Variants in LEMD1 observed in about 807,000 individuals in gnomAD.
LEMD1 encodes LEM domain-containing protein 1.
In LEMD1, 18 loss-of-function variants were observed where a neutral mutation model predicts 17.4. The ratio of observed to expected loss-of-function variants is 1.04; its 90% CI spans 0.72 to 1.54. The LOEUF is 1.54. Among genes scored for constraint, LEMD1 ranks in the 40% most tolerant of loss-of-function variants. The pLI is 0.00. For missense variants in LEMD1, 195 were observed against 210.4 expected, an observed-to-expected ratio of 0.93 and a Z score of 0.45; for synonymous variants, 88 against 77.8, an observed-to-expected ratio of 1.13 and a Z score of -0.69.
intron 4 of LEMD1, among the ~76,000 whole-genome samples, chr1:205,396,215 A>G (rs1664585186): frequency 6.6e-6 from 1 of 152,132 alleles, no homozygotes; most frequent in Non-Finnish European, 1.5e-5. Flanking sequence ...GGGTCTTGCT[A>G]TGTTACCCAG....
In LEMD1 at chr1:205,416,241, T is replaced by C. The variant is rs1665689836; in HGVS notation, c.261A>G (p.Lys87=). ...TTAGAATGGTACATACTTTTTTGAG[T>C]TTCTTGCTTTTTTCTGTTGAGAGTA... ...NIILSTEKSK[K]LKKWPEASTT... is the part of the protein sequence containing the mutation. The change falls in exon 4 of 6, where the codon AAA becomes AAG. Residue 87 remains lysine (K), a synonymous_variant. Transcript: ENST00000367153. The C allele has an allele frequency of 2.6e-6, 4 of 1,543,108 alleles. No homozygotes were observed. The highest frequency in any genetic ancestry group is 2.7e-5 in the African/African-American group (2 of 72,948).
chr1:205,443,363 C>A (rs115641766), intron 1 of LEMD1, among the ~76,000 whole-genome samples: 2,249 of 148,014 alleles, frequency 0.015, 61 homozygotes, highest in African/African-American at 0.054. Context: ...CAGAATATAC[C>A]CCCTTAAATG....
intron 4 of LEMD1, among the ~76,000 whole-genome samples, chr1:205,411,955 C>T (rs1665472985): frequency 6.6e-6 from 1 of 152,164 alleles, no homozygotes; most frequent in South Asian, 2.1e-4. Flanking sequence ...GATGCAGCAG[C>T]CCTCTGAAGA....
intron 4 of LEMD1, among the ~76,000 whole-genome samples, chr1:205,391,052 AC>A (rs1446133801): frequency 1.3e-5 from 2 of 152,066 alleles, no homozygotes; most frequent in African/African-American, 4.8e-5. Flanking sequence ...CTGCGCAAGT[AC>A]CCCCTGAATC....
chr1:205,400,126 G>T (rs960461384), intron 4 of LEMD1, among the ~76,000 whole-genome samples: 1 of 152,176 alleles, frequency 6.6e-6, no homozygotes, highest in South Asian at 2.1e-4. Flanking sequence ...GAGTGCAAAG[G>T]TGCAATCTCA....
chr1:205,413,587 CTTTTTTTTTTTT>C (rs781477988), intron 4 of LEMD1, among the ~76,000 whole-genome samples: 1 of 72,478 alleles, frequency 1.4e-5, no homozygotes, highest in Non-Finnish European at 2.4e-5. Context: ...CCATGCCCAA[CTTTTTTTTTTTT>C]TTTTTTTTTT....
At chr1:205,396,507 A>G (rs1364391969) in intron 4 of LEMD1, among the ~76,000 whole-genome samples, 1 of 152,230 alleles carries the variant, frequency 6.6e-6, no homozygotes, top group African/African-American at 2.4e-5. Flanking sequence ...CAAAGTTTGT[A>G]ACAGCATTGT....
intron 1 of LEMD1, among the ~76,000 whole-genome samples, chr1:205,445,106 T>C (rs964823450): frequency 6.6e-6 from 1 of 152,074 alleles, no homozygotes; most frequent in Non-Finnish European, 1.5e-5. Context: ...TTTGGGGGAT[T>C]AGCTCGGGCG....
chr1:205,391,988 G>C (rs1300158108), intron 4 of LEMD1, among the ~76,000 whole-genome samples: 4 of 150,590 alleles, frequency 2.7e-5, no homozygotes, highest in East Asian at 2.0e-4. Flanking sequence ...GCAGGCACCT[G>C]TAATCCCAGC....
intron 4 of LEMD1, among the ~76,000 whole-genome samples, chr1:205,401,709 A>C (rs1172974221): frequency 6.6e-6 from 1 of 152,148 alleles, no homozygotes; most frequent in African/African-American, 2.4e-5. Flanking sequence ...TAGTTTAATT[A>C]GATCCCATTT....
At chr1:205,429,014 G>T (rs1285439319) in intron 1 of LEMD1, among the ~76,000 whole-genome samples, 2 of 152,128 alleles carry the variant, frequency 1.3e-5, no homozygotes, top group Non-Finnish European at 2.9e-5. Context: ...CAAAGTGAGG[G>T]CCTGGCAATG....
Position 205,420,457 on chromosome 1 carries a change from AG to A in LEMD1, c.79del (p.Leu27TyrfsTer12). 1 of 1,611,304 alleles carries A rather than the reference AG, an allele frequency of 6.2e-7. No individual in the cohort carries two copies. Among genetic ancestry groups the A allele is most frequent in the Non-Finnish European group, 8.5e-7 (1 of 1,177,472 alleles). ...TATTTGCTGCATACTGTACATACGT[AG>A]TATTGGGCCAGGTGAAAATCCAAGC... Reference protein sequence around the residue: ...EKLGFSPGPILPSTRKLYEKK... With the variant: ...EKLGFSPGPIXPSTRKLYEKK... On this transcript the variant is annotated frameshift_variant, in exon 2 of 6. Transcript: ENST00000367153. LOFTEE classifies it high-confidence loss of function.
intron 4 of LEMD1, among the ~76,000 whole-genome samples, chr1:205,412,944 A>G (rs1345269866): frequency 1.3e-5 from 2 of 152,256 alleles, no homozygotes; most frequent in Non-Finnish European, 2.9e-5. Flanking sequence ...TTTCTGCAGA[A>G]CTGAGGTTTA....
intron 1 of LEMD1, among the ~76,000 whole-genome samples, chr1:205,444,246 T>A (rs1356724016): frequency 6.6e-6 from 1 of 151,970 alleles, no homozygotes; most frequent in African/African-American, 2.4e-5. Flanking sequence ...TGGACAAACC[T>A]CCTGCTACCA....
upstream of LEMD1, among the ~76,000 whole-genome samples, chr1:205,422,523 T>C (rs138121396): frequency 1.3e-5 from 2 of 152,308 alleles, no homozygotes; most frequent in African/African-American, 4.8e-5. Flanking sequence ...TTGCAGAAGT[T>C]TGATGGATTT....
At chr1:205,447,120 T>C (rs902380130) in intron 1 of LEMD1, among the ~76,000 whole-genome samples, 6 of 152,222 alleles carry the variant, frequency 3.9e-5, no homozygotes, top group Admixed American at 6.5e-5. Context: ...TCTCCCAATA[T>C]GCAGCATGAT....
intron 4 of LEMD1, among the ~76,000 whole-genome samples, chr1:205,402,508 A>G (rs1211110525): frequency 6.6e-6 from 1 of 151,734 alleles, no homozygotes; most frequent in Non-Finnish European, 1.5e-5. Context: ...TCTGTCTGTT[A>G]TTGGTGTATA....
At chr1:205,440,913 C>T (rs1055813484) in intron 1 of LEMD1, 1 of 152,312 alleles carries the variant, frequency 6.6e-6, no homozygotes, top group Non-Finnish European at 1.5e-5. Context: ...GATGGAGGGG[C>T]CCTGGTTCTG....
chr1:205,429,313 T>A (rs185291398), intron 1 of LEMD1, among the ~76,000 whole-genome samples: 1 of 152,190 alleles, frequency 6.6e-6, no homozygotes, highest in Non-Finnish European at 1.5e-5. Flanking sequence ...GAATATGATA[T>A]CCACGCTGGT....
Sources: allele counts gnomAD v4.1 joint callset (sites outside exome capture counted in the v4.1 genomes callset), GRCh38; gene constraint gnomAD v4.1.1; transcripts MANE v1.5; gene names NCBI Gene and HGNC (gene_info 2026-07-23, HGNC 2026-07-21).